The following SERHL2 variants were observed in gnomAD, a reference collection of about 807,000 sequenced individuals.
SERHL2 encodes the protein serine hydrolase like 2.
Under a neutral mutation model 25.5 loss-of-function variants are expected in SERHL2, and 29 were observed. The observed-to-expected ratio is 1.14, with a 90% CI of 0.85 to 1.55. The LOEUF (loss-of-function observed/expected upper bound fraction) is 1.55, where lower values mean the gene tolerates loss of function less well. Among genes scored for constraint, SERHL2 ranks in the 40% most tolerant of loss-of-function variants. The pLI, the probability that SERHL2 is intolerant of heterozygous loss-of-function variation, is 0.00. For missense variants in SERHL2, 240 were observed against 252.3 expected, an observed-to-expected ratio of 0.95 and a Z score of 0.33; for synonymous variants, 95 against 103.5, an observed-to-expected ratio of 0.92 and a Z score of 0.50.
intron 8 of SERHL2, among the ~76,000 whole-genome samples, chr22:42,563,753 T>C (rs547193710): frequency 6.6e-6 from 1 of 151,926 alleles, no homozygotes; most frequent in Non-Finnish European, 1.5e-5. Flanking sequence ...GGGCTATTAT[T>C]TTAAATAGAA....
intron 10 of SERHL2, 68 bp from the exon 11 acceptor site, chr22:42,572,368 G>A (rs556386178): frequency 1.8e-5 from 21 of 1,193,394 alleles, no homozygotes; most frequent in Admixed American, 5.3e-5. Flanking sequence ...ACCCAGGGCA[G>A]GATGGGGGCA....
intron 1 of SERHL2, 36 bp downstream of exon 1, chr22:42,554,078 C>G (rs1177438401): frequency 2.5e-6 from 4 of 1,609,662 alleles, no homozygotes; most frequent in Non-Finnish European, 3.4e-6. Flanking sequence ...CGTCCCACTG[C>G]CCACCCACCT....
intron 10 of SERHL2, among the ~76,000 whole-genome samples, chr22:42,572,075 A>G (rs959324766): frequency 2.0e-5 from 3 of 152,082 alleles, no homozygotes; most frequent in African/African-American, 7.2e-5. Context: ...ACAGAATTGT[A>G]GACTATCAAC....
rs372486946 is a variant in SERHL2 at position 42,572,431 on chromosome 22, T to C, written c.732-5T>C. The stretch of plus-strand genomic sequence containing the variant: ...CCCAACAACCCCCAACTCCTCACTT[T>C]CCAGAGCAGTCCACGGATATTTTGA... On this transcript the variant is annotated splice_polypyrimidine_tract_variant and splice_region_variant and intron_variant, in intron 10 of 11. Transcript: ENST00000327678. The C allele has an allele frequency of 5.6e-6, 9 of 1,606,290 alleles. No homozygotes were observed. The highest frequency in any genetic ancestry group is 7.7e-6 in the Non-Finnish European group (9 of 1,173,742).
chr22:42,567,434 G>T (rs1387389766), intron 9 of SERHL2, among the ~76,000 whole-genome samples: 2 of 151,864 alleles, frequency 1.3e-5, no homozygotes, highest in African/African-American at 4.8e-5. Flanking sequence ...GGAGGCCGAG[G>T]CGGGTGGATC....
In SERHL2 at chr22:42,572,529, G is replaced by A. The variant is rs1450556628; in HGVS notation, c.825G>A (p.Glu275=). Residue 275 remains glutamate, a splice_region_variant and synonymous_variant, in exon 11 of 12, where the codon GAG becomes GAA. Transcript: ENST00000327678. ...MIDTMKSTLK[E]QFQFVEVPGN... ...ACACGATGAAATCCACCCTCAAAGA[G>A]GTAAGACGGGGCTCAGGCAGCTGGT... is the stretch of plus-strand genomic sequence containing the variant. 1.1e-5 allele frequency: 18 copies of A among 1,611,422 alleles called. No individual in the cohort carries two copies. The highest frequency in any genetic ancestry group is 3.3e-5 in the Admixed American group (2 of 59,918).
intron 8 of SERHL2, among the ~76,000 whole-genome samples, chr22:42,565,922 C>A (rs1923315220): frequency 6.6e-6 from 1 of 151,990 alleles, no homozygotes; most frequent in Non-Finnish European, 1.5e-5. Flanking sequence ...GGCACGATCT[C>A]AGCTCACCAC....
At chr22:42,571,433 T>TTCCAC in intron 10 of SERHL2, 1 of 1,377,114 alleles carries the variant, frequency 7.3e-7, no homozygotes, top group Non-Finnish European at 9.4e-7. Flanking sequence ...TCCCATGCCT[T>TTCCAC]TCCACAGGTG....
chr22:42,563,193 TTTTTTTTTTTTTG>T (rs1922908033), intron 8 of SERHL2, among the ~76,000 whole-genome samples: 1 of 101,260 alleles, frequency 9.9e-6, no homozygotes. Context: ...TTTTTTTCTT[TTTTTTTTTTTTTG>T]TTGTTGTTGT....
intron 1 of SERHL2, among the ~76,000 whole-genome samples, chr22:42,554,343 G>A (rs1028705566): frequency 2.0e-5 from 3 of 152,230 alleles, no homozygotes; most frequent in East Asian, 3.9e-4. Flanking sequence ...CCAGATGTGG[G>A]GGCGGTGGGG....
chr22:42,566,198 A>T, intron 8 of SERHL2, 106 bp from the exon 9 acceptor site: 1 of 1,132,132 alleles, frequency 8.8e-7, no homozygotes, highest in Non-Finnish European at 1.3e-6. Flanking sequence ...GGTGGGAGAA[A>T]TGGGCCCTGG....
At chr22:42,567,829 C>A (rs1485045177) in intron 9 of SERHL2, among the ~76,000 whole-genome samples, 1 of 151,498 alleles carries the variant, frequency 6.6e-6, no homozygotes, top group Non-Finnish European at 1.5e-5. Flanking sequence ...CTCCCAGGTT[C>A]GAGTGATTCT....
At chr22:42,566,213 A>C in intron 8 of SERHL2, 91 bp from the exon 9 acceptor site, 2 of 1,318,610 alleles carry the variant, frequency 1.5e-6, no homozygotes, top group Non-Finnish European at 2.1e-6. Flanking sequence ...CCCTGGCTGC[A>C]AAGGCCTGGA....
intron 10 of SERHL2, among the ~76,000 whole-genome samples, chr22:42,572,225 A>G (rs547067936): frequency 6.6e-6 from 1 of 152,206 alleles, no homozygotes; most frequent in Admixed American, 6.5e-5. Context: ...TGCCTTCAGC[A>G]TTCACTTGTG....
At chr22:42,565,044 G>C (rs1266117268) in intron 8 of SERHL2, 1 of 152,260 alleles carries the variant, frequency 6.6e-6, no homozygotes, top group East Asian at 1.9e-4. Flanking sequence ...TCCGAAAAGA[G>C]AGCAAAGGGT....
chr22:42,573,310 C>T (rs1159413402), intron 11 of SERHL2: 2 of 148,188 alleles, frequency 1.3e-5, no homozygotes, highest in Non-Finnish European at 3.0e-5. Context: ...GTGGCCCGAT[C>T]TCGGCTCACT....
chr22:42,567,593 A>G lies in SERHL2; in HGVS notation c.648+1255A>G, dbSNP rs1212379953. 5.9e-5 allele frequency among the ~76,000 whole-genome samples: 9 copies of G among 151,694 alleles called. No homozygotes were observed. In the East Asian group the frequency reaches 1.6e-3, roughly 26 times the overall value. The stretch of plus-strand genomic sequence containing the variant: ...GCAGGAGAATGGCGTGAACCCGGGA[A>G]GCAGAGCTTGCAGTGAGCCGAGATT... On this transcript the variant is annotated intron_variant, in intron 9 of 11. Transcript: ENST00000327678.
intron 8 of SERHL2, among the ~76,000 whole-genome samples, chr22:42,561,797 C>T (rs906939369): frequency 6.6e-6 from 1 of 151,822 alleles, no homozygotes; most frequent in South Asian, 2.1e-4. Flanking sequence ...TCGTGATCAT[C>T]TTGGCTGAAC....
At chr22:42,572,649 C>T (rs1924394982) in intron 11 of SERHL2, 120 bp downstream of exon 11, 4 of 1,455,776 alleles carry the variant, frequency 2.7e-6, no homozygotes, top group Non-Finnish European at 3.6e-6. Flanking sequence ...AACAAGTGAC[C>T]ACCAGGATCT....
Sources: allele counts gnomAD v4.1 joint callset (sites outside exome capture counted in the v4.1 genomes callset), GRCh38; gene constraint gnomAD v4.1.1; transcripts MANE v1.5; gene names NCBI Gene and HGNC (gene_info 2026-07-23, HGNC 2026-07-21).